The following ARMC1 variants were observed in gnomAD, a reference collection of about 807,000 sequenced individuals.
The protein encoded by ARMC1 is armadillo repeat-containing protein 1.
ARMC1 carries 16 observed loss-of-function variants against 31.4 expected under a neutral mutation model. The ratio of observed to expected loss-of-function variants is 0.51; its 90% CI spans 0.34 to 0.77. The LOEUF (loss-of-function observed/expected upper bound fraction) is 0.77, where lower values mean the gene tolerates loss of function less well. Ranked by LOEUF, ARMC1 falls within the 30% of genes least tolerant of loss-of-function variation. The pLI is 0.01. For missense variants in ARMC1, 259 were observed against 347.5 expected, an observed-to-expected ratio of 0.75 and a Z score of 2.02; for synonymous variants, 114 against 118.9, an observed-to-expected ratio of 0.96 and a Z score of 0.27.
At chr8:65,619,142 T>G (rs539169210) in intron 3 of ARMC1, among the ~76,000 whole-genome samples, 58 of 152,318 alleles carry the variant, frequency 3.8e-4, no homozygotes, top group African/African-American at 1.3e-3. Context: ...ATTTACATCT[T>G]TGACTTAGTA....
At chr8:65,627,626 C>G (rs1808543061) in intron 1 of ARMC1, among the ~76,000 whole-genome samples, 193 bp from the exon 2 acceptor site, 1 of 152,158 alleles carries the variant, frequency 6.6e-6, no homozygotes, top group South Asian at 2.1e-4. Flanking sequence ...AATTTGTGTG[C>G]ACAATGTTTA....
rs1807951792 is a variant in ARMC1, at chr8:65,604,234, G to A, written c.*160C>T. ...GCCTCTGTCCTTTTTACCACTCAGTGGGGTAAAATGTCCAATAAAACGTGA... is the reference window on the plus strand; with the variant it reads ...GCCTCTGTCCTTTTTACCACTCAGTAGGGTAAAATGTCCAATAAAACGTGA... On this transcript the variant is annotated 3_prime_UTR_variant, in exon 7 of 7. Transcript: ENST00000276569. 2 of 625,190 alleles carry A rather than the reference G, an allele frequency of 3.2e-6. No individual in the cohort carries two copies. Among genetic ancestry groups the A allele is most frequent in the South Asian group, 4.7e-5 (2 of 42,754 alleles). 38.7% of individuals were successfully genotyped at this position (625,190 alleles called of 1,614,324 possible). A position where few individuals can be genotyped will look rare whatever the true frequency, so the allele number is the denominator to read the frequency against.
At chr8:65,625,927 T>C (rs1398890114) in intron 2 of ARMC1, among the ~76,000 whole-genome samples, 1 of 151,640 alleles carries the variant, frequency 6.6e-6, no homozygotes, top group African/African-American at 2.4e-5. Context: ...TCACTCTTGT[T>C]GCCCAGGCTC....
At chr8:65,604,793 C>A (rs1324786268) in intron 6 of ARMC1, among the ~76,000 whole-genome samples, 1 of 152,150 alleles carries the variant, frequency 6.6e-6, no homozygotes, top group Non-Finnish European at 1.5e-5. Flanking sequence ...AGCAACCGCT[C>A]TCTGTGTAAT....
In ARMC1 at chr8:65,602,708, T is replaced by C. The variant is rs1807917016; in HGVS notation, c.*1686A>G. 1 of 152,196 alleles carries C rather than the reference T, an allele frequency of 6.6e-6. No individual in the cohort carries two copies. Among genetic ancestry groups the C allele is most frequent in the African/African-American group, 2.4e-5 (1 of 41,456 alleles). The allele number at this position is 152,196 out of a possible 1,614,324, so 9.4% of individuals were successfully genotyped here. ...AATTTGTTAGAACAGTAAAGTTTGCTTTAATGGCTATAGAAAGAAGGTGGT... is the reference window on the plus strand; with the variant it reads ...AATTTGTTAGAACAGTAAAGTTTGCCTTAATGGCTATAGAAAGAAGGTGGT... On this transcript the variant is annotated 3_prime_UTR_variant, in exon 7 of 7. Coordinates refer to ENST00000276569, the MANE Select transcript of ARMC1 (RefSeq NM_018120.6).
chr8:65,618,386 G>C (rs191573020), intron 3 of ARMC1, among the ~76,000 whole-genome samples: 1 of 151,842 alleles, frequency 6.6e-6, no homozygotes, highest in Non-Finnish European at 1.5e-5. Flanking sequence ...GCCGGGCGTG[G>C]TGGCGGGCGC....
In ARMC1 at chr8:65,611,931, C is replaced by T. The variant is rs1808151486; in HGVS notation, c.465+1313G>A. Among the ~76,000 whole-genome samples, 2 of 151,794 alleles carry T rather than the reference C, an allele frequency of 1.3e-5. 1 individual carries two copies. The highest frequency in any genetic ancestry group is 4.8e-5 in the African/African-American group (2 of 41,322). On this transcript the variant is annotated intron_variant, in intron 4 of 6. Transcript: ENST00000276569. ...TGGGACTACAGGCGCACCACCATGC[C>T]CAGCTAATTTTTGTATTTTTAGTAG...
intron 2 of ARMC1, 46 bp from the exon 3 acceptor site, chr8:65,622,400 C>CA (rs1808413525): frequency 6.8e-7 from 1 of 1,480,458 alleles, no homozygotes; most frequent in East Asian, 2.3e-5. Flanking sequence ...CCAGACTATT[C>CA]AAAATTGAAA....
chr8:65,615,289 T>C (rs1434886097), intron 3 of ARMC1, among the ~76,000 whole-genome samples: 3 of 152,082 alleles, frequency 2.0e-5, no homozygotes, highest in Non-Finnish European at 4.4e-5. Context: ...GATAGCTATT[T>C]TAGAGTTTAT....
intron 2 of ARMC1, among the ~76,000 whole-genome samples, chr8:65,623,307 C>CAAAAAATAAAAAAAA (rs1808435848): frequency 2.6e-5 from 1 of 38,338 alleles, no homozygotes. Flanking sequence ...GACTCCGTCT[C>CAAAAAATAAAAAAAA]AAAAAAAAAA....
chr8:65,631,659 C>G (rs1585724491), intron 1 of ARMC1, among the ~76,000 whole-genome samples: 1 of 152,196 alleles, frequency 6.6e-6, no homozygotes. Flanking sequence ...ACAACTCTAA[C>G]CCCAATCATG....
intron 4 of ARMC1, among the ~76,000 whole-genome samples, chr8:65,611,326 ATCTG>A (rs1356006575): frequency 2.0e-5 from 3 of 152,004 alleles, no homozygotes; most frequent in Non-Finnish European, 4.4e-5. Context: ...TTTATTCTTG[ATCTG>A]TCTGACTAGA....
chr8:65,610,851 G>A (rs1387966379), intron 4 of ARMC1, among the ~76,000 whole-genome samples: 2 of 152,062 alleles, frequency 1.3e-5, no homozygotes, highest in Non-Finnish European at 2.9e-5. Context: ...TCTTGAGTGA[G>A]CTTCGGTCAT....
intron 3 of ARMC1, among the ~76,000 whole-genome samples, chr8:65,613,729 G>C (rs959948515): frequency 6.6e-6 from 1 of 152,146 alleles, no homozygotes; most frequent in African/African-American, 2.4e-5. Flanking sequence ...ACTTTGGGAG[G>C]CCAAGGCAGG....
chr8:65,607,780 T>G (rs1808036007), intron 4 of ARMC1, among the ~76,000 whole-genome samples: 1 of 152,196 alleles, frequency 6.6e-6, no homozygotes, highest in African/African-American at 2.4e-5. Context: ...CTTACAAACT[T>G]TCAGAAACAG....
chr8:65,619,447 A>G (rs912051609), intron 3 of ARMC1, among the ~76,000 whole-genome samples: 2 of 152,146 alleles, frequency 1.3e-5, no homozygotes, highest in African/African-American at 4.8e-5. Context: ...CTGAGACAGG[A>G]GAATCGCTTG....
intron 2 of ARMC1, among the ~76,000 whole-genome samples, chr8:65,623,534 A>C (rs895050867): frequency 7.1e-5 from 10 of 140,552 alleles, no homozygotes; most frequent in Non-Finnish European, 1.4e-4. Flanking sequence ...GCTTGAACCC[A>C]GGAGGCGGAG....
rs77688035 is a variant in ARMC1 at position 65,627,376 on chromosome 8, A to G, written c.23T>C (p.Met8Thr). 385 of 1,585,330 alleles carry G rather than the reference A, an allele frequency of 2.4e-4. 2 individuals are homozygous for G. In the East Asian group the frequency reaches 8.4e-3, roughly 35 times the overall value. Residue 8 changes from methionine (M) to threonine (T), a missense_variant, in exon 2 of 7, where the codon ATG becomes ACG. This residue lies in a region of ARMC1 where 163 missense variants were observed against 186.7 expected (regional missense o/e 0.87). Transcript: ENST00000276569. MNSSTST[M>T]SEEPDALSVV... The stretch of plus-strand genomic sequence containing the variant: ...CGATAGAGCGTCAGGCTCTTCACTC[A>G]TGGTGGAAGTGGAAGAATTCATCTT...
chr8:65,614,527 G>T (rs1198315189), intron 3 of ARMC1, among the ~76,000 whole-genome samples: 1 of 152,120 alleles, frequency 6.6e-6, no homozygotes, highest in Non-Finnish European at 1.5e-5. Context: ...TGAACAAAGA[G>T]TAAGTACATG....
Sources: allele counts gnomAD v4.1 joint callset (sites outside exome capture counted in the v4.1 genomes callset), GRCh38; gene constraint gnomAD v4.1.1; regional missense constraint gnomAD v4.1.1; transcripts MANE v1.5; gene names NCBI Gene and HGNC (gene_info 2026-07-23, HGNC 2026-07-21).